Variants in DLG2 observed in about 807,000 individuals in gnomAD.
DLG2 encodes disks large homolog 2.
A neutral mutation model predicts 132.5 loss-of-function variants in DLG2; 45 were observed. That is an observed-to-expected ratio of 0.34 (90% confidence interval 0.27 to 0.44). DLG2 has a LOEUF of 0.44. Ranked by LOEUF, DLG2 falls within the 20% of genes least tolerant of loss-of-function variation. The pLI is 1.00. For missense variants in DLG2, 1,045 were observed against 1,196.9 expected, an observed-to-expected ratio of 0.87 and a Z score of 1.87; for synonymous variants, 424 against 419.6, an observed-to-expected ratio of 1.01 and a Z score of -0.13.
chr11:85,339,221 C>A (rs2082324309), intron 3 of DLG2, among the ~76,000 whole-genome samples: 1 of 152,132 alleles, frequency 6.6e-6, no homozygotes, highest in Non-Finnish European at 1.5e-5. Flanking sequence ...TACAGTACTC[C>A]ATGTGGATTT....
chr11:84,575,057 T>C (rs2099496015), intron 6 of DLG2, among the ~76,000 whole-genome samples: 1 of 152,202 alleles, frequency 6.6e-6, no homozygotes, highest in African/African-American at 2.4e-5. Context: ...ACTCCTATGA[T>C]TGGCTGCCGT....
In DLG2 at chr11:84,641,367, T is replaced by A. The variant is rs572864741; in HGVS notation, c.358-106636A>T. The stretch of plus-strand genomic sequence containing the variant: ...CCCATAGTAAGCGCTCAATAAATGT[T>A]AGCTATTATTAGCTACTATTGACTT... On this transcript the variant is annotated intron_variant, in intron 6 of 27. Transcript: ENST00000376104. 2.0e-5 allele frequency among the ~76,000 whole-genome samples: 3 copies of A among 152,364 alleles called. No homozygotes were observed. The South Asian group carries it at 6.2e-4, about 32-fold the overall frequency.
intron 17 of DLG2, among the ~76,000 whole-genome samples, chr11:83,812,777 T>C (rs543561663): frequency 3.9e-5 from 6 of 152,138 alleles, no homozygotes; most frequent in South Asian, 2.1e-4. Context: ...CTAGGTACCA[T>C]AGAGTGTGAG....
chr11:84,915,016 T>C lies in DLG2; in HGVS notation c.357+196645A>G, dbSNP rs377360827. Among the ~76,000 whole-genome samples the C allele has an allele frequency of 2.6e-5, 4 of 152,190 alleles. No individual in the cohort carries two copies. In the East Asian group the frequency reaches 5.8e-4, roughly 22 times the overall value. ...CGATCTATGAATTCCCAGATGAATA[T>C]GCTAATCGGCAAATGAACCAGGCTA... On this transcript the variant is annotated intron_variant, in intron 6 of 27. Transcript: ENST00000376104.
chr11:84,019,644 C>A (rs1230420788), intron 11 of DLG2, among the ~76,000 whole-genome samples: 3 of 152,052 alleles, frequency 2.0e-5, no homozygotes, highest in Non-Finnish European at 4.4e-5. Context: ...GGTCCCTAAT[C>A]CAATGAAACT....
intron 17 of DLG2, chr11:83,790,477 C>T (rs192600624): frequency 9.0e-6 from 11 of 1,223,544 alleles, no homozygotes; most frequent in Admixed American, 5.1e-5. Flanking sequence ...CTTGTCACTA[C>T]CATGGGACCA....
At chr11:83,825,181 T>A (rs1221341615) in intron 17 of DLG2, among the ~76,000 whole-genome samples, 2,089 of 68,404 alleles carry the variant, frequency 0.031, 26 homozygotes, top group Middle Eastern at 0.051. Flanking sequence ...ATTTTTTTTT[T>A]TTTTTTTTTT....
At chr11:83,825,781 C>T (rs1286328547) in intron 17 of DLG2, among the ~76,000 whole-genome samples, 1 of 152,184 alleles carries the variant, frequency 6.6e-6, no homozygotes, top group Non-Finnish European at 1.5e-5. Flanking sequence ...TAAATAACTG[C>T]TGTCCTGAGC....
chr11:85,058,704 G>T (rs2063713997), intron 6 of DLG2, among the ~76,000 whole-genome samples: 1 of 151,410 alleles, frequency 6.6e-6, no homozygotes, highest in Non-Finnish European at 1.5e-5. Flanking sequence ...TTTGAATAGG[G>T]TTTAAAAATA....
chr11:85,027,173 CTTTTTTTTTTT>C (rs10571202), intron 6 of DLG2, among the ~76,000 whole-genome samples: 4 of 69,364 alleles, frequency 5.8e-5, no homozygotes, highest in Admixed American at 1.9e-4. Context: ...AGTGTGGTCT[CTTTTTTTTTTT>C]TTTTTTTTTT....
chr11:84,145,778 G>A (rs982138795), intron 9 of DLG2, among the ~76,000 whole-genome samples: 6 of 152,092 alleles, frequency 3.9e-5, no homozygotes, highest in Non-Finnish European at 7.4e-5. Flanking sequence ...CACTTACAGA[G>A]AAAAATGGAG....
intron 6 of DLG2, among the ~76,000 whole-genome samples, chr11:85,100,091 T>A (rs2070632306): frequency 6.6e-6 from 1 of 152,208 alleles, no homozygotes; most frequent in Admixed American, 6.5e-5. Flanking sequence ...TTAAATTCTA[T>A]GCTCTTATTA....
At chr11:84,502,471 C>A (rs370350976) in intron 7 of DLG2, among the ~76,000 whole-genome samples, 1 of 148,960 alleles carries the variant, frequency 6.7e-6, no homozygotes, top group East Asian at 2.0e-4. Context: ...TCTCGGCTCA[C>A]TGCAGCCTCC....
At chr11:85,415,127 T>A (rs1405377941) in intron 3 of DLG2, among the ~76,000 whole-genome samples, 3 of 152,224 alleles carry the variant, frequency 2.0e-5, no homozygotes, top group Non-Finnish European at 2.9e-5. Flanking sequence ...TTTCTCTTCC[T>A]GTGTTAATTA....
chr11:84,988,341 G>C (rs1207418200), intron 6 of DLG2, among the ~76,000 whole-genome samples: 1 of 152,172 alleles, frequency 6.6e-6, no homozygotes, highest in Non-Finnish European at 1.5e-5. Flanking sequence ...ACTACCATTT[G>C]ATCCAGCGAT....
intron 3 of DLG2, among the ~76,000 whole-genome samples, chr11:85,574,514 T>C (rs2078039830): frequency 6.6e-6 from 1 of 151,982 alleles, no homozygotes; most frequent in African/African-American, 2.4e-5. Context: ...AGCTCAGATA[T>C]AGTTTGGATA....
chr11:84,675,778 G>A (rs958353265), intron 6 of DLG2, among the ~76,000 whole-genome samples: 1 of 152,068 alleles, frequency 6.6e-6, no homozygotes, highest in Non-Finnish European at 1.5e-5. Flanking sequence ...CACCGAGGAG[G>A]ACTGAATTAC....
intron 16 of DLG2, among the ~76,000 whole-genome samples, chr11:83,850,202 G>T (rs1374544237): frequency 6.9e-6 from 1 of 145,030 alleles, no homozygotes; most frequent in Non-Finnish European, 1.5e-5. Flanking sequence ...CTCCCAGGCT[G>T]GAGTGCAGTG....
At chr11:85,008,348 T>C (rs1566635262) in intron 6 of DLG2, among the ~76,000 whole-genome samples, 1 of 152,174 alleles carries the variant, frequency 6.6e-6, no homozygotes, top group African/African-American at 2.4e-5. Context: ...ATTCTTACTG[T>C]CTAGCTTTGT....
Sources: allele counts gnomAD v4.1 joint callset (sites outside exome capture counted in the v4.1 genomes callset), GRCh38; gene constraint gnomAD v4.1.1; transcripts MANE v1.5; gene names NCBI Gene and HGNC (gene_info 2026-07-23, HGNC 2026-07-21).